VANGL1: variants seen among roughly 807,000 people sequenced by gnomAD.
VANGL1 encodes vang-like protein 1.
In VANGL1, 18 loss-of-function variants were observed where a neutral mutation model predicts 48.4. The observed-to-expected ratio is 0.37, with a 90% CI of 0.26 to 0.55. VANGL1 has a LOEUF of 0.55. Ranked by LOEUF, VANGL1 falls within the 20% of genes least tolerant of loss-of-function variation. VANGL1 has a pLI of 0.81. For synonymous variants in VANGL1, 257 were observed against 261.8 expected (o/e 0.98, Z 0.18); for missense variants, 667 against 675.8 (o/e 0.99, Z 0.14).
intron 4 of VANGL1, among the ~76,000 whole-genome samples, chr1:115,674,262 TCTC>T (rs149690479): frequency 0.011 from 1,674 of 152,258 alleles, 26 homozygotes; most frequent in African/African-American, 0.038. Flanking sequence ...CCGTCCCTCT[TCTC>T]CTGGTGTACA....
At position 115,696,434 on chromosome 1, in the gene VANGL1, A is replaced by G. The variant is rs1654031957; in HGVS notation, c.*5055A>G. 1 of 152,046 alleles carries G rather than the reference A, an allele frequency of 6.6e-6. No homozygotes were observed. The highest frequency in any genetic ancestry group is 2.1e-4 in the South Asian group (1 of 4,814). 9.4% of individuals were successfully genotyped at this position (152,046 alleles called of 1,614,324 possible). On this transcript the variant is annotated 3_prime_UTR_variant, in exon 8 of 8. Coordinates refer to ENST00000355485, the MANE Select transcript of VANGL1 (RefSeq NM_138959.3). Reference sequence around the variant, plus strand: ...GCAGACGTAAAACAGGACTCAGAAAACCATTTTTCTCTGTTCCCATATGTA... The same window carrying G: ...GCAGACGTAAAACAGGACTCAGAAAGCCATTTTTCTCTGTTCCCATATGTA...
At chr1:115,653,070 C>G (rs1393953504) in intron 2 of VANGL1, among the ~76,000 whole-genome samples, 1 of 152,188 alleles carries the variant, frequency 6.6e-6, no homozygotes. Context: ...GTTACATAGA[C>G]ATATGATGAG....
At chr1:115,679,636 C>G (rs896350253) in intron 4 of VANGL1, among the ~76,000 whole-genome samples, 2 of 152,224 alleles carry the variant, frequency 1.3e-5, no homozygotes, top group African/African-American at 4.8e-5. Flanking sequence ...CTCACAGGCC[C>G]CAGCTGAATT....
chr1:115,669,550 TGTGGTA>T (rs1652901687), intron 4 of VANGL1, among the ~76,000 whole-genome samples: 1 of 152,168 alleles, frequency 6.6e-6, no homozygotes, highest in Non-Finnish European at 1.5e-5. Flanking sequence ...ATACTGTTCC[TGTGGTA>T]GTGAGTAAGT....
intron 4 of VANGL1, among the ~76,000 whole-genome samples, chr1:115,666,623 G>A (rs1382998988): frequency 6.6e-6 from 1 of 152,180 alleles, no homozygotes; most frequent in East Asian, 1.9e-4. Context: ...GAACTGAAAG[G>A]TGGCAAGTGC....
In VANGL1 at chr1:115,673,062, T is replaced by C. The variant is rs1332926801; in HGVS notation, c.812+8794T>C. Among the ~76,000 whole-genome samples, 4 of 152,206 alleles carry C rather than the reference T, an allele frequency of 2.6e-5. No individual in the cohort carries two copies. The East Asian group carries it at 7.7e-4, about 29-fold the overall frequency. ...AAGCTGAATCAACTTGTATTGGGGA[T>C]TCTGCATTTTAGAGTTCTCTCAAAG... On this transcript the variant is annotated intron_variant, in intron 4 of 7. Coordinates refer to ENST00000355485, the MANE Select transcript of VANGL1 (RefSeq NM_138959.3).
At chr1:115,646,472 C>T (rs905008111) in intron 1 of VANGL1, among the ~76,000 whole-genome samples, 3 of 150,756 alleles carry the variant, frequency 2.0e-5, no homozygotes, top group African/African-American at 7.3e-5. Flanking sequence ...AGTGGGACTG[C>T]CATGCGAGCC....
chr1:115,682,366 T>A lies in VANGL1; in HGVS notation c.815T>A (p.Ile272Asn). Residue 272 changes from isoleucine to asparagine, a missense_variant and splice_region_variant, in exon 5 of 8, where the codon ATC (isoleucine) becomes AAC (asparagine). Ile to Asn is a moderately radical substitution (Grantham distance 149). Transcript: ENST00000355485. ...SRFYSLGHLS[I>N]QRAALVVLEN... ...TAATTTTGTTCTTTTTTTCTCAGTA[T>A]CCAGCGAGCAGCATTGGTGGTCCTA... is the stretch of plus-strand genomic sequence containing the variant. The A allele has an allele frequency of 1.2e-6, 2 of 1,614,154 alleles. No homozygotes were observed. Among genetic ancestry groups the A allele is most frequent in the Non-Finnish European group, 1.7e-6 (2 of 1,180,038 alleles).
At chr1:115,662,764 A>G (rs1037030656) in intron 3 of VANGL1, among the ~76,000 whole-genome samples, 8 of 151,118 alleles carry the variant, frequency 5.3e-5, no homozygotes, top group Non-Finnish European at 1.0e-4. Context: ...TGTTAAGTGG[A>G]TCTTGTGAAC....
At position 115,659,688 on chromosome 1, in the gene VANGL1, G is replaced by A; in HGVS notation, c.119G>A (p.Arg40Lys). 6.2e-7 allele frequency: 1 copy of A among 1,614,204 alleles called. No individual in the cohort carries two copies. The highest frequency in any genetic ancestry group is 1.7e-5 in the Admixed American group (1 of 60,024). The change falls in exon 3 of 8, where the codon AGA (arginine) becomes AAA (lysine). Residue 40 changes from arginine to lysine, a missense_variant. By Grantham distance (26) the Arg-to-Lys change is conservative. Transcript: ENST00000355485. ...RHKSPRNKDG[R>K]GSEKSVTIQP... ...AAGTCACCCCGGAATAAAGACGGCA[G>A]AGGGTCAGAAAAGTCTGTCACCATT...
intron 2 of VANGL1, among the ~76,000 whole-genome samples, chr1:115,658,930 A>G (rs1352582080): frequency 1.3e-5 from 2 of 151,236 alleles, no homozygotes; most frequent in Non-Finnish European, 2.9e-5. Context: ...GAGGTCTGAA[A>G]CCCTCCCCAT....
At chr1:115,646,217 T>C (rs1440728141) in intron 1 of VANGL1, among the ~76,000 whole-genome samples, 1 of 152,194 alleles carries the variant, frequency 6.6e-6, no homozygotes, top group Non-Finnish European at 1.5e-5. Flanking sequence ...GTCCAGAATT[T>C]AGGACACTGC....
Position 115,663,756 on chromosome 1 carries a change from G to A in VANGL1, c.300G>A (p.Glu100=). ...TTGCCAGGATCAGCAAGGACATGGA[G>A]GACAGCGTGGGGCTGGATTGCAAAC... ...EDIARISKDM[E]DSVGLDCKRY... is the part of the protein sequence containing the mutation. The change falls in exon 4 of 8, where the codon GAG becomes GAA. Residue 100 remains glutamate, a synonymous_variant. Transcript: ENST00000355485. 5.6e-6 allele frequency: 9 copies of A among 1,614,210 alleles called. No individual in the cohort carries two copies. Among genetic ancestry groups the A allele is most frequent in the Non-Finnish European group, 7.6e-6 (9 of 1,180,040 alleles).
Position 115,691,140 on chromosome 1 carries a change from A to C in VANGL1, c.1336A>C (p.Ser446Arg). The change falls in exon 8 of 8, where the codon AGT (serine) becomes CGT (arginine). Residue 446 changes from serine (S) to arginine (R), a missense_variant. Ser to Arg is a moderately radical substitution (Grantham distance 110, BLOSUM62 -1). Transcript: ENST00000355485. ...CCAGGCCTTCCTAGAACGGTACCTC[A>C]GTGCGGGCCCCACCCTGCAATATGA... is the stretch of plus-strand genomic sequence containing the variant. The part of the protein sequence containing the change: ...TPKAFLERYL[S>R]AGPTLQYDKD... 2.5e-6 allele frequency: 4 copies of C among 1,614,158 alleles called. No homozygotes were observed. Among genetic ancestry groups the C allele is most frequent in the Non-Finnish European group, 3.4e-6 (4 of 1,180,040 alleles).
At chr1:115,687,705 CTGTG>C (rs56094677) in intron 7 of VANGL1, among the ~76,000 whole-genome samples, 30,088 of 112,704 alleles carry the variant, frequency 0.27, 6,995 homozygotes, top group East Asian at 0.42. Flanking sequence ...CTCTCTTTCT[CTGTG>C]TGTGTGTGTG....
rs888436803 is a variant in VANGL1 at position 115,696,450 on chromosome 1, C to G, written c.*5071C>G. 6.6e-6 allele frequency: 1 copy of G among 152,194 alleles called. No individual in the cohort carries two copies. The highest frequency in any genetic ancestry group is 2.4e-5 in the African/African-American group (1 of 41,442). The allele number at this position is 152,194 out of a possible 1,614,324, so 9.4% of individuals were successfully genotyped here. A position where few individuals can be genotyped will look rare whatever the true frequency, so the allele number is the denominator to read the frequency against. On this transcript the variant is annotated 3_prime_UTR_variant, in exon 8 of 8. Coordinates refer to ENST00000355485, the MANE Select transcript of VANGL1 (RefSeq NM_138959.3). The stretch of plus-strand genomic sequence containing the variant: ...ACTCAGAAAACCATTTTTCTCTGTT[C>G]CCATATGTAGTAAGTTTTGATTCAG...
intron 4 of VANGL1, among the ~76,000 whole-genome samples, chr1:115,681,514 T>G (rs949529674): frequency 6.7e-6 from 1 of 148,320 alleles, no homozygotes; most frequent in African/African-American, 2.5e-5. Flanking sequence ...TTTTTTTTGT[T>G]TTTTTTTTTG....
In VANGL1 at chr1:115,651,779, C is replaced by T. The variant is rs139110528; in HGVS notation, c.71+295C>T. On this transcript the variant is annotated intron_variant, in intron 2 of 7. Coordinates refer to ENST00000355485, the MANE Select transcript of VANGL1 (RefSeq NM_138959.3). ...GGTATTTCTTTTTTTTTTTTTGAGACGGAGTCTCGTTCTGTCACCCAGGCT... is the reference window on the plus strand; with the variant it reads ...GGTATTTCTTTTTTTTTTTTTGAGATGGAGTCTCGTTCTGTCACCCAGGCT... 4.3e-3 allele frequency among the ~76,000 whole-genome samples: 640 copies of T among 149,946 alleles called. 4 individuals are homozygous for T. The highest frequency in any genetic ancestry group is 0.015 in the African/African-American group (608 of 40,706).
At chr1:115,646,697 G>A (rs1651954419) in intron 1 of VANGL1, among the ~76,000 whole-genome samples, 1 of 152,082 alleles carries the variant, frequency 6.6e-6, no homozygotes, top group Non-Finnish European at 1.5e-5. Context: ...AATGTCCTAG[G>A]AGCTGGAAAG....
Sources: allele counts gnomAD v4.1 joint callset (sites outside exome capture counted in the v4.1 genomes callset), GRCh38; gene constraint gnomAD v4.1.1; transcripts MANE v1.5; gene names NCBI Gene and HGNC (gene_info 2026-07-23, HGNC 2026-07-21).